Variants in BABAM2 observed in about 807,000 individuals in gnomAD.
BABAM2 encodes BRISC and BRCA1 A complex member 2.
A neutral mutation model predicts 54.7 loss-of-function variants in BABAM2; 31 were observed. That is an observed-to-expected ratio of 0.57 (90% CI 0.43 to 0.77). BABAM2 has a LOEUF of 0.77. Among genes scored for constraint, BABAM2 ranks in the 30% least tolerant of loss-of-function variants. The pLI is 0.00. For missense variants in BABAM2, 364 were observed against 455.8 expected, an observed-to-expected ratio of 0.80 and a Z score of 1.83; for synonymous variants, 167 against 162.9, an observed-to-expected ratio of 1.03 and a Z score of -0.19.
At chr2:28,115,426 A>C (rs1289665301) in intron 6 of BABAM2, among the ~76,000 whole-genome samples, 1 of 152,000 alleles carries the variant, frequency 6.6e-6, no homozygotes, top group Non-Finnish European at 1.5e-5. Context: ...GGAGATCGAG[A>C]CCATCCTGGC....
At chr2:27,932,684 C>T (rs1227117974) in intron 3 of BABAM2, among the ~76,000 whole-genome samples, 2 of 152,108 alleles carry the variant, frequency 1.3e-5, no homozygotes, top group African/African-American at 2.4e-5. Context: ...TAGACTATTC[C>T]GTGAGGAGCT....
intron 7 of BABAM2, among the ~76,000 whole-genome samples, chr2:28,160,735 G>GTTT (rs562679552): frequency 4.6e-5 from 6 of 129,198 alleles, no homozygotes; most frequent in African/African-American, 8.7e-5. Context: ...CATATAAATT[G>GTTT]TTTTTTTTTT....
chr2:28,271,722 T>G (rs965242571), intron 10 of BABAM2, among the ~76,000 whole-genome samples: 3 of 152,170 alleles, frequency 2.0e-5, no homozygotes, highest in Non-Finnish European at 1.5e-5. Flanking sequence ...ACCAGGCAGG[T>G]TAACAATATG....
intron 7 of BABAM2, among the ~76,000 whole-genome samples, chr2:28,198,051 A>G (rs1573817631): frequency 6.6e-6 from 1 of 152,216 alleles, no homozygotes; most frequent in African/African-American, 2.4e-5. Flanking sequence ...AGGATAAATT[A>G]GAAGGTAATC....
rs550112181 is a variant in BABAM2, at chr2:28,057,946, A to C, written c.570+12147A>C. On this transcript the variant is annotated intron_variant, in intron 6 of 11. Coordinates refer to ENST00000379624, the MANE Select transcript of BABAM2 (RefSeq NM_199191.3). ...ATCACAAGGTCAAGAGATCGAGACC[A>C]TCCTGGCTAACACAGTGAAACCCCG... Among the ~76,000 whole-genome samples the C allele has an allele frequency of 2.6e-5, 4 of 152,212 alleles. No homozygotes were observed. In the South Asian group the frequency reaches 8.3e-4, roughly 32 times the overall value.
chr2:28,277,129 A>G (rs1685943884), intron 10 of BABAM2, among the ~76,000 whole-genome samples: 1 of 152,178 alleles, frequency 6.6e-6, no homozygotes, highest in Admixed American at 6.5e-5. Flanking sequence ...ATTTTTAGAC[A>G]GAGTCTGGCT....
intron 11 of BABAM2, among the ~76,000 whole-genome samples, chr2:28,331,857 T>C (rs961072581): frequency 4.6e-5 from 7 of 152,146 alleles, no homozygotes; most frequent in African/African-American, 1.7e-4. Context: ...GTTATAAAGA[T>C]ACATGCACGC....
intron 7 of BABAM2, among the ~76,000 whole-genome samples, chr2:28,183,366 G>A (rs888036371): frequency 5.3e-5 from 8 of 152,068 alleles, no homozygotes; most frequent in Admixed American, 1.3e-4. Flanking sequence ...GCTTGAACCT[G>A]GGAGGCAGAG....
At chr2:27,924,322 A>G (rs1470623287) in intron 2 of BABAM2, among the ~76,000 whole-genome samples, 1 of 152,040 alleles carries the variant, frequency 6.6e-6, no homozygotes, top group African/African-American at 2.4e-5. Context: ...TGCTGAGAGG[A>G]ATATACAGAT....
At chr2:28,224,849 GACAAAAA>G (rs1014002757) in intron 7 of BABAM2, among the ~76,000 whole-genome samples, 5 of 60,372 alleles carry the variant, frequency 8.3e-5, no homozygotes, top group African/African-American at 2.3e-4. Flanking sequence ...ACGGTAAATT[GACAAAAA>G]AAAAAAAAAA....
chr2:28,021,371 C>T (rs1210262357), intron 4 of BABAM2, among the ~76,000 whole-genome samples: 2 of 152,088 alleles, frequency 1.3e-5, no homozygotes, highest in African/African-American at 2.4e-5. Flanking sequence ...ACATTGGTGC[C>T]GTGTGCAGGC....
At chr2:28,015,815 T>A (rs1441728356) in intron 4 of BABAM2, 2 of 997,126 alleles carry the variant, frequency 2.0e-6, no homozygotes, top group Non-Finnish European at 2.8e-6. Flanking sequence ...CATGCTTCTT[T>A]TTCTGTTTTG....
intron 2 of BABAM2, among the ~76,000 whole-genome samples, chr2:27,915,683 T>G (rs1666916213): frequency 6.6e-6 from 1 of 152,216 alleles, no homozygotes; most frequent in Non-Finnish European, 1.5e-5. Flanking sequence ...AAAACGTTTT[T>G]TTTCTATCTT....
At chr2:27,976,216 GAA>G (rs1388619675) in intron 3 of BABAM2, among the ~76,000 whole-genome samples, 1 of 152,010 alleles carries the variant, frequency 6.6e-6, no homozygotes, top group African/African-American at 2.4e-5. Context: ...CATTTATCTA[GAA>G]ATGATAAATG....
intron 5 of BABAM2, among the ~76,000 whole-genome samples, chr2:28,029,133 A>G (rs1461338477): frequency 6.6e-6 from 1 of 152,220 alleles, no homozygotes; most frequent in African/African-American, 2.4e-5. Flanking sequence ...TCAAATCAGC[A>G]TGACTAAAAT....
intron 11 of BABAM2, among the ~76,000 whole-genome samples, chr2:28,300,753 C>G (rs1688040996): frequency 6.6e-6 from 1 of 152,138 alleles, no homozygotes. Context: ...TAAGTGAAGC[C>G]TGTTTATCTT....
chr2:27,960,708 A>G (rs1305758188), intron 3 of BABAM2, among the ~76,000 whole-genome samples: 4 of 152,202 alleles, frequency 2.6e-5, no homozygotes, highest in African/African-American at 7.2e-5. Context: ...ATAAGACAGG[A>G]CCACAGAGCC....
intron 3 of BABAM2, among the ~76,000 whole-genome samples, chr2:27,942,504 G>A (rs1200269103): frequency 2.6e-5 from 4 of 151,088 alleles, no homozygotes; most frequent in African/African-American, 9.7e-5. Context: ...GGTACTACAG[G>A]TGCACACCAC....
At chr2:28,235,830 T>C (rs539631503) in intron 7 of BABAM2, among the ~76,000 whole-genome samples, 1 of 148,002 alleles carries the variant, frequency 6.8e-6, no homozygotes, top group African/African-American at 2.5e-5. Flanking sequence ...AATTTTTTAA[T>C]TTTTTTTTTT....
Sources: allele counts gnomAD v4.1 joint callset (sites outside exome capture counted in the v4.1 genomes callset), GRCh38; gene constraint gnomAD v4.1.1; transcripts MANE v1.5; gene names NCBI Gene and HGNC (gene_info 2026-07-23, HGNC 2026-07-21).